WDR82: variants seen among roughly 807,000 people sequenced by gnomAD.
The protein encoded by WDR82 is WD repeat domain 82, also known as WD repeat-containing protein 82.
A neutral mutation model predicts 36.1 loss-of-function variants in WDR82; 8 were observed. The observed-to-expected ratio is 0.22, with a 90% confidence interval of 0.13 to 0.40. The LOEUF (loss-of-function observed/expected upper bound fraction) is 0.40, where lower values mean the gene tolerates loss of function less well. Ranked by LOEUF, WDR82 falls within the 10% of genes least tolerant of loss-of-function variation. WDR82 has a pLI of 1.00. For synonymous variants in WDR82, 129 were observed against 137.8 expected, an observed-to-expected ratio of 0.94 and a Z score of 0.45; for missense variants, 185 against 400.5, an observed-to-expected ratio of 0.46 and a Z score of 4.59.
In WDR82 at chr3:52,276,774, A is replaced by C. The variant is rs558932929; in HGVS notation, c.161+1427T>G. On this transcript the variant is annotated intron_variant, in intron 1 of 8. Transcript: ENST00000296490. ...TCCATCTACTCAATGAGTAACACTG[A>C]CTCAAATAACTATTTGTCCAGCTAA... 2.0e-5 allele frequency among the ~76,000 whole-genome samples: 3 copies of C among 152,238 alleles called. No individual in the cohort carries two copies. In the South Asian group the frequency reaches 6.2e-4, roughly 32 times the overall value.
intron 8 of WDR82, among the ~76,000 whole-genome samples, chr3:52,257,783 G>GA (rs983229503): frequency 2.6e-5 from 4 of 151,678 alleles, no homozygotes; most frequent in Non-Finnish European, 4.4e-5. Context: ...TAAAGGAAGG[G>GA]AAAAAAAGGA....
intron 6 of WDR82, 41 bp downstream of exon 6, chr3:52,259,676 A>T: frequency 5.0e-6 from 8 of 1,587,706 alleles, no homozygotes; most frequent in Non-Finnish European, 6.9e-6. Flanking sequence ...CATAGGAAGT[A>T]TGAGCATGGA....
At position 52,256,586 on chromosome 3, in the gene WDR82, C is replaced by CA. The variant is rs1700011670; in HGVS notation, c.*903dup. 1 of 153,760 alleles carries CA rather than the reference C, an allele frequency of 6.5e-6. No homozygotes were observed. The highest frequency in any genetic ancestry group is 2.4e-5 in the African/African-American group (1 of 41,438). The allele number at this position is 153,760 out of a possible 1,614,324, so 9.5% of individuals were successfully genotyped here. ...AGGGAAGGCATCAGTGTAAACAACTCAGACTCACTTCACAATACTGGCCCA... is the reference window on the plus strand; with the variant it reads ...AGGGAAGGCATCAGTGTAAACAACTCAAGACTCACTTCACAATACTGGCCCA... On this transcript the variant is annotated 3_prime_UTR_variant, in exon 9 of 9. Transcript: ENST00000296490.
chr3:52,265,667 G>A (rs1183558414), intron 3 of WDR82, among the ~76,000 whole-genome samples: 6 of 149,612 alleles, frequency 4.0e-5, no homozygotes, highest in Non-Finnish European at 8.9e-5. Context: ...CCTCTGTCTC[G>A]CGGGTTCAAG....
intron 3 of WDR82, among the ~76,000 whole-genome samples, chr3:52,262,603 T>C (rs1046908738): frequency 2.0e-5 from 3 of 152,176 alleles, no homozygotes; most frequent in African/African-American, 7.2e-5. Flanking sequence ...CCCCAGGTGA[T>C]GGGTGAGGCT....
At chr3:52,269,240 T>C (rs1700132144) in intron 2 of WDR82, among the ~76,000 whole-genome samples, 1 of 152,136 alleles carries the variant, frequency 6.6e-6, no homozygotes, top group Admixed American at 6.5e-5. Context: ...TTTGGGAGGA[T>C]GAGGCAGGCA....
At chr3:52,276,436 C>CG (rs1304480072) in intron 1 of WDR82, among the ~76,000 whole-genome samples, 1 of 147,834 alleles carries the variant, frequency 6.8e-6, no homozygotes, top group African/African-American at 2.5e-5. Flanking sequence ...GTCCCCCACC[C>CG]GAAAAAAAAA....
Position 52,259,775 on chromosome 3 carries a change from T to A in WDR82, c.641A>T (p.Asn214Ile). The change falls in exon 6 of 9, where the codon AAC becomes ATC. Residue 214 changes from asparagine (N) to isoleucine (I), a missense_variant. Physicochemically the swap from Asn to Ile is moderately radical, Grantham distance 149 (BLOSUM62 -3). This residue lies in a region of WDR82 where 110 missense variants were observed against 212.6 expected (regional missense o/e 0.52). Coordinates refer to ENST00000296490, the MANE Select transcript of WDR82 (RefSeq NM_025222.4). ...ATCAATCAGACGAATGAAGCTGCCG[T>A]TGGTGGAAATGAGGATGAGCTTGCC... ...NDGKLILISTNGSFIRLIDAF... is the reference protein window; with the variant it reads ...NDGKLILISTIGSFIRLIDAF... The A allele has an allele frequency of 6.2e-7, 1 of 1,614,096 alleles. No individual in the cohort carries two copies. Among genetic ancestry groups the A allele is most frequent in the South Asian group, 1.1e-5 (1 of 91,086 alleles).
chr3:52,270,395 G>A (rs1240286095), intron 2 of WDR82, among the ~76,000 whole-genome samples: 5 of 152,190 alleles, frequency 3.3e-5, no homozygotes, highest in Non-Finnish European at 7.3e-5. Flanking sequence ...TGGGATTATA[G>A]GCGCGAGCCC....
intron 3 of WDR82, among the ~76,000 whole-genome samples, chr3:52,265,566 CTTTTTTTTTT>C (rs959125432): frequency 2.5e-5 from 3 of 120,746 alleles, no homozygotes; most frequent in Middle Eastern, 4.4e-3. Flanking sequence ...GGAAGTGCAA[CTTTTTTTTTT>C]TTTTTTTTTT....
chr3:52,268,332 C>T (rs1700124388), intron 2 of WDR82: 1 of 472,228 alleles, frequency 2.1e-6, no homozygotes, highest in Non-Finnish European at 4.4e-6. Context: ...ATCATAGACC[C>T]TCAAACTGTA....
intron 3 of WDR82, among the ~76,000 whole-genome samples, chr3:52,261,708 G>A (rs1700063201): frequency 6.6e-6 from 1 of 152,026 alleles, no homozygotes; most frequent in South Asian, 2.1e-4. Context: ...TGATTCCAAT[G>A]CAAATCAAAA....
rs1578003719 is a variant in WDR82 at position 52,257,182 on chromosome 3, T to C, written c.*308A>G. On this transcript the variant is annotated 3_prime_UTR_variant, in exon 9 of 9. Transcript: ENST00000296490. ...TCCTCAGCAGCATGTACATTCAAAT[T>C]GAAGATGCTTGAGAGCCCCACTATA... 1.9e-5 allele frequency: 8 copies of C among 415,318 alleles called. No individual in the cohort carries two copies. The East Asian group carries it at 3.2e-4, about 16-fold the overall frequency. The allele number at this position is 415,318 out of a possible 1,614,324, so 25.7% of individuals were successfully genotyped here.
rs1290361504 is a variant in WDR82, at chr3:52,260,587, A to G, written c.427-86T>C. ...ACCAAAGACTGCTGGTACAATGGGG[A>G]AAAAAAAATGAATCCAGGACCTTAC... On this transcript the variant is annotated intron_variant, in intron 4 of 8. Transcript: ENST00000296490. 45 of 783,334 alleles carry G rather than the reference A, an allele frequency of 5.7e-5. 1 individual carries two copies. In the South Asian group the frequency reaches 8.9e-4, roughly 15 times the overall value. The allele number at this position is 783,334 out of a possible 1,614,324, so 48.5% of individuals were successfully genotyped here.
At position 52,258,437 on chromosome 3, in the gene WDR82, G is replaced by A. The variant is rs554185105; in HGVS notation, c.912+99C>T. 209 of 1,354,976 alleles carry A rather than the reference G, an allele frequency of 1.5e-4. No homozygotes were observed. In the African/African-American group the frequency reaches 2.7e-3, roughly 17 times the overall value. The allele number at this position is 1,354,976 out of a possible 1,614,324, so 83.9% of individuals were successfully genotyped here. On this transcript the variant is annotated intron_variant, in intron 8 of 8. Coordinates refer to ENST00000296490, the MANE Select transcript of WDR82 (RefSeq NM_025222.4). ...AAACATGTACTTGGATGCTTGTAATGTACCTATGTAGAACACAGCTTGCTG... is the reference window on the plus strand; with the variant it reads ...AAACATGTACTTGGATGCTTGTAATATACCTATGTAGAACACAGCTTGCTG...
intron 3 of WDR82, 141 bp downstream of exon 3, chr3:52,266,811 A>T: frequency 1.5e-6 from 1 of 683,126 alleles, no homozygotes; most frequent in South Asian, 1.5e-5. Context: ...TCAAGAGTTG[A>T]CTATTTAAGA....
At chr3:52,257,616 CCA>C (rs1457931748) in intron 8 of WDR82, 97 bp from the exon 9 acceptor site, 1 of 1,491,324 alleles carries the variant, frequency 6.7e-7, no homozygotes. Context: ...GTGCCCAACC[CCA>C]GTGGCTCTGG....
chr3:52,278,452 G>A lies in WDR82; in HGVS notation c.-91C>T, dbSNP rs1459616405. On this transcript the variant is annotated 5_prime_UTR_variant, in exon 1 of 9. Coordinates refer to ENST00000296490, the MANE Select transcript of WDR82 (RefSeq NM_025222.4). ...CTGCCGAGGGGCCAACCCAGGCGGG[G>A]CGGGCGCCGCGCCGGCGGCTAGCGG... The A allele has an allele frequency of 2.6e-5, 29 of 1,099,178 alleles. No individual in the cohort carries two copies. Among genetic ancestry groups the A allele is most frequent in the Non-Finnish European group, 2.5e-5 (22 of 886,622 alleles). The allele number at this position is 1,099,178 out of a possible 1,614,324, so 68.1% of individuals were successfully genotyped here. A position where few individuals can be genotyped will look rare whatever the true frequency, so the allele number is the denominator to read the frequency against.
chr3:52,272,178 C>T (rs190686927), intron 1 of WDR82, among the ~76,000 whole-genome samples: 313 of 152,294 alleles, frequency 2.1e-3, no homozygotes, highest in Admixed American at 3.7e-3. Flanking sequence ...TTTACAGAAC[C>T]TTGAAGAGCA....
Sources: allele counts gnomAD v4.1 joint callset (sites outside exome capture counted in the v4.1 genomes callset), GRCh38; gene constraint gnomAD v4.1.1; regional missense constraint gnomAD v4.1.1; transcripts MANE v1.5; gene names NCBI Gene and HGNC (gene_info 2026-07-23, HGNC 2026-07-21).